The following CDC73 variants were observed in gnomAD, a reference collection of about 807,000 sequenced individuals.
CDC73 encodes parafibromin.
CDC73 carries 21 observed loss-of-function variants against 83.7 expected under a neutral mutation model. That is an observed-to-expected ratio of 0.25 (90% CI 0.18 to 0.36). CDC73 has a LOEUF of 0.36. CDC73 is among the 10% of genes least tolerant of loss of function. The pLI, the probability that CDC73 is intolerant of heterozygous loss-of-function variation, is 1.00. For synonymous variants in CDC73, 224 were observed against 212.9 expected (o/e 1.05, Z -0.45); for missense variants, 342 against 653.3 (o/e 0.52, Z 5.19).
intron 13 of CDC73, among the ~76,000 whole-genome samples, chr1:193,214,317 CAGATAGT>C (rs1194703372): frequency 6.6e-6 from 1 of 152,140 alleles, no homozygotes; most frequent in African/African-American, 2.4e-5. Context: ...TGCAGTGTAC[CAGATAGT>C]ATAACCCATT....
At chr1:193,136,879 A>C (rs762927615) in intron 5 of CDC73, among the ~76,000 whole-genome samples, 1 of 152,206 alleles carries the variant, frequency 6.6e-6, no homozygotes, top group East Asian at 1.9e-4. Flanking sequence ...ATTTGAAACA[A>C]TCTGAACATC....
At chr1:193,180,219 G>A (rs1409425827) in intron 10 of CDC73, 27 of 1,269,298 alleles carry the variant, frequency 2.1e-5, no homozygotes, top group East Asian at 5.1e-5. Context: ...CTTGTCCTAC[G>A]GATGTAATCA....
intron 10 of CDC73, among the ~76,000 whole-genome samples, chr1:193,196,781 T>A (rs1453362818): frequency 6.6e-6 from 1 of 152,218 alleles, no homozygotes; most frequent in Non-Finnish European, 1.5e-5. Context: ...CACAACTAAT[T>A]TTTGTGTGTT....
intron 5 of CDC73, 35 bp downstream of exon 5, chr1:193,135,624 ATTG>A (rs745334057): frequency 6.7e-7 from 1 of 1,486,700 alleles, no homozygotes; most frequent in Non-Finnish European, 9.3e-7. Flanking sequence ...TTTTATTTAT[ATTG>A]TTATTGAAAT....
At chr1:193,177,316 C>T (rs531455408) in intron 10 of CDC73, among the ~76,000 whole-genome samples, 5 of 131,486 alleles carry the variant, frequency 3.8e-5, no homozygotes, top group South Asian at 5.2e-4. Context: ...AGATCGAGAC[C>T]GTCCTGGCTA....
intron 2 of CDC73, among the ~76,000 whole-genome samples, chr1:193,129,023 T>G: frequency 7.0e-6 from 1 of 143,384 alleles, no homozygotes; most frequent in African/African-American, 2.7e-5. Flanking sequence ...TTTGAGACAG[T>G]GTCTCACTCT....
At chr1:193,227,200 T>G (rs2102052881) in intron 13 of CDC73, among the ~76,000 whole-genome samples, 1 of 152,296 alleles carries the variant, frequency 6.6e-6, no homozygotes, top group African/African-American at 2.4e-5. Context: ...AACCAGCTTT[T>G]TTTGTTTCAT....
chr1:193,202,980 C>T lies in CDC73; in HGVS notation c.973-815C>T, dbSNP rs184081034. On this transcript the variant is annotated intron_variant, in intron 10 of 16. Coordinates refer to ENST00000367435, the MANE Select transcript of CDC73 (RefSeq NM_024529.5). ...CTCCCCTGATAATTTGTCAAATTTC[C>T]TTCTGTTATGTACCACTAGTGTAAA... Among the ~76,000 whole-genome samples the T allele has an allele frequency of 5.9e-5, 9 of 151,756 alleles. No individual in the cohort carries two copies. The East Asian group carries it at 1.7e-3, about 29-fold the overall frequency.
intron 11 of CDC73, among the ~76,000 whole-genome samples, chr1:193,205,464 G>A (rs1677173254): frequency 6.6e-6 from 1 of 152,114 alleles, no homozygotes; most frequent in African/African-American, 2.4e-5. Context: ...TTTTTGCAGT[G>A]TGATTTCCCT....
chr1:193,147,460 C>G (rs545177421), intron 7 of CDC73, among the ~76,000 whole-genome samples: 2 of 151,040 alleles, frequency 1.3e-5, no homozygotes, highest in South Asian at 2.1e-4. Flanking sequence ...CTCCGCCTCC[C>G]GTGTTCACAC....
rs952445706 is a variant in CDC73, at chr1:193,122,390, G to A, written c.131+59G>A. On this transcript the variant is annotated intron_variant, in intron 1 of 16. Transcript: ENST00000367435. The stretch of plus-strand genomic sequence containing the variant: ...AGGGCAGAGTTGGGCGCCCCCAGGC[G>A]ACCTCTTTCTTAACCCCTCCCCCCG... 4 of 1,610,650 alleles carry A rather than the reference G, an allele frequency of 2.5e-6. No homozygotes were observed. In the African/African-American group the frequency reaches 4.0e-5, roughly 16 times the overall value.
intron 11 of CDC73, among the ~76,000 whole-genome samples, chr1:193,207,876 A>C (rs1377502593): frequency 6.6e-6 from 1 of 152,232 alleles, no homozygotes; most frequent in African/African-American, 2.4e-5. Flanking sequence ...TAAGAGTATT[A>C]TTAGGGAAGG....
At chr1:193,158,890 C>G (rs937553275) in intron 10 of CDC73, among the ~76,000 whole-genome samples, 20 of 152,238 alleles carry the variant, frequency 1.3e-4, no homozygotes, top group African/African-American at 4.3e-4. Context: ...TACTTGTTAC[C>G]TGTTACATGA....
intron 10 of CDC73, chr1:193,179,013 A>G (rs1028031851): frequency 1.3e-5 from 2 of 152,222 alleles, no homozygotes; most frequent in Admixed American, 1.3e-4. Flanking sequence ...GGAGTCAAAC[A>G]AAATTATTGT....
intron 10 of CDC73, among the ~76,000 whole-genome samples, chr1:193,194,421 T>G (rs1676967479): frequency 6.6e-6 from 1 of 152,182 alleles, no homozygotes; most frequent in African/African-American, 2.4e-5. Flanking sequence ...TCACGCTGAT[T>G]AACACTTCTG....
chr1:193,208,801 C>A (rs888600737), intron 11 of CDC73, among the ~76,000 whole-genome samples: 4 of 152,110 alleles, frequency 2.6e-5, no homozygotes, highest in African/African-American at 9.7e-5. Flanking sequence ...TTGTTCAGTT[C>A]CCCAAGCGCA....
At chr1:193,157,238 T>C (rs963563320) in intron 10 of CDC73, among the ~76,000 whole-genome samples, 4 of 152,080 alleles carry the variant, frequency 2.6e-5, no homozygotes, top group Non-Finnish European at 5.9e-5. Flanking sequence ...TAAGGATGCT[T>C]GTAGGAAAGT....
At chr1:193,241,664 TGTG>T (rs1210869976) in intron 15 of CDC73, among the ~76,000 whole-genome samples, 1 of 152,022 alleles carries the variant, frequency 6.6e-6, no homozygotes, top group African/African-American at 2.4e-5. Context: ...GGGTAACAGT[TGTG>T]GTGGTAGTGG....
At chr1:193,206,697 G>A (rs530175472) in intron 11 of CDC73, among the ~76,000 whole-genome samples, 34 of 152,258 alleles carry the variant, frequency 2.2e-4, no homozygotes, top group South Asian at 1.9e-3. Context: ...GGTAGAGTTT[G>A]CATAATTTGG....
Sources: gnomAD v4.1 joint callset for allele counts (sites outside exome capture counted in the v4.1 genomes callset) on GRCh38, gnomAD v4.1.1 for gene constraint, MANE v1.5 for transcripts, NCBI Gene and HGNC (gene_info 2026-07-23, HGNC 2026-07-21) for gene names.